The following CAMTA1 variants were observed in gnomAD, a reference collection of about 807,000 sequenced individuals.
CAMTA1 encodes the protein calmodulin binding transcription activator 1, also known as calmodulin-binding transcription activator 1.
CAMTA1 carries 27 observed loss-of-function variants against 170.9 expected under a neutral mutation model. The ratio of observed to expected loss-of-function variants is 0.16; its 90% CI spans 0.12 to 0.22. CAMTA1 has a LOEUF of 0.22. Among genes scored for constraint, CAMTA1 ranks in the 10% least tolerant of loss-of-function variants. CAMTA1 has a pLI of 1.00. For missense variants in CAMTA1, 1,619 were observed against 2,217.2 expected, an observed-to-expected ratio of 0.73 and a Z score of 5.42; for synonymous variants, 833 against 891.5, an observed-to-expected ratio of 0.93 and a Z score of 1.17.
chr1:6,869,588 G>A (rs1207708265), intron 3 of CAMTA1, among the ~76,000 whole-genome samples: 1 of 152,036 alleles, frequency 6.6e-6, no homozygotes, highest in Admixed American at 6.6e-5. Flanking sequence ...TGACTGTGAG[G>A]GACATAGTAA....
chr1:7,260,743 G>C (rs1428675272), intron 5 of CAMTA1, among the ~76,000 whole-genome samples: 1 of 152,224 alleles, frequency 6.6e-6, no homozygotes, highest in African/African-American at 2.4e-5. Context: ...AATAGTGACC[G>C]ATGGGAGGGC....
intron 3 of CAMTA1, among the ~76,000 whole-genome samples, chr1:6,962,829 G>T (rs1690724303): frequency 6.9e-6 from 1 of 145,680 alleles, no homozygotes; most frequent in Non-Finnish European, 1.5e-5. Context: ...CACCCATCTG[G>T]CCCCACCCAC....
At chr1:7,695,208 A>C (rs1215678501) in intron 11 of CAMTA1, among the ~76,000 whole-genome samples, 1 of 152,036 alleles carries the variant, frequency 6.6e-6, no homozygotes, top group African/African-American at 2.4e-5. Context: ...GATGCCCTGG[A>C]AGCCCCCAGC....
chr1:7,383,944 T>C (rs1391887531), intron 5 of CAMTA1, among the ~76,000 whole-genome samples: 1 of 152,082 alleles, frequency 6.6e-6, no homozygotes, highest in Non-Finnish European at 1.5e-5. Flanking sequence ...TCCAGTATAG[T>C]GGGAGCAAAG....
intron 20 of CAMTA1, 72 bp downstream of exon 20, chr1:7,751,464 C>A: frequency 1.5e-6 from 2 of 1,359,104 alleles, no homozygotes; most frequent in East Asian, 2.4e-5. Context: ...AAAGACTTGT[C>A]CTGGGCTGAC....
At chr1:7,222,552 T>A (rs1558268392) in intron 4 of CAMTA1, among the ~76,000 whole-genome samples, 1 of 152,174 alleles carries the variant, frequency 6.6e-6, no homozygotes, top group Non-Finnish European at 1.5e-5. Flanking sequence ...GAGTGAGTTA[T>A]GTTTCTGTGG....
intron 5 of CAMTA1, among the ~76,000 whole-genome samples, chr1:7,462,813 A>G (rs115955540): frequency 0.015 from 2,309 of 152,190 alleles, 68 homozygotes; most frequent in African/African-American, 0.053. Flanking sequence ...GACTCTTAGC[A>G]GGAAGTCTGC....
chr1:7,529,266 C>T (rs1442158535), intron 6 of CAMTA1, among the ~76,000 whole-genome samples: 1 of 152,104 alleles, frequency 6.6e-6, no homozygotes, highest in Non-Finnish European at 1.5e-5. Flanking sequence ...CTCAAGGTCC[C>T]TGTGACCTTG....
intron 5 of CAMTA1, among the ~76,000 whole-genome samples, chr1:7,439,549 G>A (rs1366605890): frequency 6.6e-6 from 1 of 152,174 alleles, no homozygotes; most frequent in Non-Finnish European, 1.5e-5. Flanking sequence ...CAGGACCAGG[G>A]CTCCCCACTG....
chr1:6,848,195 C>G (rs899760227), intron 3 of CAMTA1, among the ~76,000 whole-genome samples: 1 of 152,140 alleles, frequency 6.6e-6, no homozygotes, highest in Admixed American at 6.5e-5. Context: ...AGGTCTCACT[C>G]TGTCTCCCAG....
chr1:6,803,319 G>T (rs1644107071), intron 1 of CAMTA1, among the ~76,000 whole-genome samples: 1 of 152,178 alleles, frequency 6.6e-6, no homozygotes, highest in Non-Finnish European at 1.5e-5. Context: ...AAAACAAGCG[G>T]GGAAGAAAAC....
chr1:6,996,636 C>T (rs1697291990), intron 3 of CAMTA1, among the ~76,000 whole-genome samples: 2 of 151,882 alleles, frequency 1.3e-5, no homozygotes, highest in South Asian at 4.2e-4. Flanking sequence ...TGAGTATTAG[C>T]TGCTCTGTGA....
intron 5 of CAMTA1, among the ~76,000 whole-genome samples, chr1:7,256,417 G>A (rs1418920272): frequency 1.3e-5 from 2 of 152,116 alleles, no homozygotes; most frequent in African/African-American, 2.4e-5. Context: ...AACATTAGCC[G>A]GGCATGGTGG....
At chr1:7,209,536 CTCTT>C (rs1320976715) in intron 4 of CAMTA1, among the ~76,000 whole-genome samples, 9 of 152,282 alleles carry the variant, frequency 5.9e-5, no homozygotes, top group Non-Finnish European at 1.2e-4. Flanking sequence ...TCTTGGCACT[CTCTT>C]TGAGAGAACC....
chr1:7,433,186 T>C (rs1343743257), intron 5 of CAMTA1, among the ~76,000 whole-genome samples: 1 of 152,238 alleles, frequency 6.6e-6, no homozygotes, highest in Non-Finnish European at 1.5e-5. Flanking sequence ...AGCCTAAGGC[T>C]TGTGGCTGCC....
intron 4 of CAMTA1, among the ~76,000 whole-genome samples, chr1:7,101,639 A>G (rs1281746655): frequency 2.0e-5 from 3 of 152,252 alleles, no homozygotes; most frequent in Non-Finnish European, 4.4e-5. Flanking sequence ...TGTGTGTGTG[A>G]GCTTACACAC....
intron 5 of CAMTA1, among the ~76,000 whole-genome samples, chr1:7,419,694 C>G (rs764575671): frequency 6.6e-6 from 1 of 152,162 alleles, no homozygotes; most frequent in Non-Finnish European, 1.5e-5. Flanking sequence ...GCATTTCAAA[C>G]TGACCACGGC....
chr1:7,296,303 T>C (rs1673932515), intron 5 of CAMTA1, among the ~76,000 whole-genome samples: 2 of 152,176 alleles, frequency 1.3e-5, no homozygotes, highest in Admixed American at 6.5e-5. Context: ...TACATAACTA[T>C]GTAACTAGTG....
intron 3 of CAMTA1, among the ~76,000 whole-genome samples, chr1:7,078,911 G>A (rs749642390): frequency 3.9e-5 from 6 of 152,182 alleles, no homozygotes; most frequent in Non-Finnish European, 8.8e-5. Flanking sequence ...AGAATTTGCA[G>A]GGCAGAATAT....
Sources: allele counts gnomAD v4.1 joint callset (sites outside exome capture counted in the v4.1 genomes callset), GRCh38; gene constraint gnomAD v4.1.1; transcripts MANE v1.5; gene names NCBI Gene and HGNC (gene_info 2026-07-23, HGNC 2026-07-21).